Variants in KAZN observed in about 807,000 individuals in gnomAD.
The protein encoded by KAZN is kazrin, periplakin interacting protein, also known as kazrin.
KAZN carries 40 observed loss-of-function variants against 87.4 expected under a neutral mutation model. The observed-to-expected ratio is 0.46, with a 90% CI of 0.36 to 0.60. The LOEUF (loss-of-function observed/expected upper bound fraction) is 0.60, where lower values mean the gene tolerates loss of function less well. KAZN is among the 20% of genes least tolerant of loss of function. The pLI is 0.00. For missense variants in KAZN, 898 were observed against 1,073.9 expected, an observed-to-expected ratio of 0.84 and a Z score of 2.29; for synonymous variants, 466 against 458.3, an observed-to-expected ratio of 1.02 and a Z score of -0.22.
intron 1 of KAZN, among the ~76,000 whole-genome samples, chr1:14,895,886 A>G (rs1655210360): frequency 6.6e-6 from 1 of 152,170 alleles, no homozygotes; most frequent in South Asian, 2.1e-4. Flanking sequence ...AGTGAGGAAG[A>G]GGGGAGGCTG....
intron 2 of KAZN, among the ~76,000 whole-genome samples, chr1:14,548,065 A>C (rs997409605): frequency 3.3e-5 from 5 of 151,864 alleles, no homozygotes; most frequent in African/African-American, 1.2e-4. Flanking sequence ...TGCAAATTGC[A>C]AAAAAAGATT....
At chr1:14,360,378 G>C (rs1024685331) in intron 2 of KAZN, among the ~76,000 whole-genome samples, 8 of 151,982 alleles carry the variant, frequency 5.3e-5, no homozygotes, top group African/African-American at 1.7e-4. Flanking sequence ...CTTGCATTGG[G>C]TTAGAACATG....
At chr1:13,913,926 G>A (rs1161947320) in intron 1 of KAZN, among the ~76,000 whole-genome samples, 1 of 152,126 alleles carries the variant, frequency 6.6e-6, no homozygotes. Flanking sequence ...GGGATCCTTG[G>A]ACCAGCATCA....
chr1:14,767,712 C>T (rs566241417), intron 1 of KAZN, among the ~76,000 whole-genome samples: 1 of 152,326 alleles, frequency 6.6e-6, no homozygotes, highest in East Asian at 1.9e-4. Flanking sequence ...TATCCACAGA[C>T]CTTTCTTAGT....
intron 2 of KAZN, among the ~76,000 whole-genome samples, chr1:14,566,919 A>G (rs752240526): frequency 1.1e-4 from 17 of 152,200 alleles, no homozygotes; most frequent in Non-Finnish European, 2.2e-4. Context: ...AGACCACTCA[A>G]ACTTTATCCA....
intron 2 of KAZN, among the ~76,000 whole-genome samples, chr1:14,292,796 G>A (rs1013121499): frequency 3.3e-5 from 5 of 152,142 alleles, no homozygotes; most frequent in African/African-American, 4.8e-5. Flanking sequence ...GCTGGAGAGC[G>A]GCTTCCTTCT....
intron 5 of KAZN, among the ~76,000 whole-genome samples, chr1:15,057,383 G>A (rs561339049): frequency 1.3e-5 from 2 of 152,370 alleles, no homozygotes; most frequent in South Asian, 2.1e-4. Context: ...GATGAAATGT[G>A]TAAAACTGCG....
intron 2 of KAZN, among the ~76,000 whole-genome samples, chr1:14,349,588 T>C (rs1383608233): frequency 6.6e-6 from 1 of 152,184 alleles, no homozygotes; most frequent in Non-Finnish European, 1.5e-5. Context: ...TTGCCATTTA[T>C]CATCTTGCAC....
At chr1:14,661,034 T>C (rs895369071) in intron 1 of KAZN, among the ~76,000 whole-genome samples, 1 of 152,134 alleles carries the variant, frequency 6.6e-6, no homozygotes, top group Non-Finnish European at 1.5e-5. Flanking sequence ...AGGAAGTAAG[T>C]GTTCGTTGAG....
At chr1:14,697,159 A>AAAAAG (rs1557897126) in intron 1 of KAZN, among the ~76,000 whole-genome samples, 8 of 135,062 alleles carry the variant, frequency 5.9e-5, no homozygotes, top group African/African-American at 9.1e-5. Flanking sequence ...AAAAAAAAAG[A>AAAAAG]AAAGAAAAGA....
chr1:14,954,930 C>T (rs1474399713), intron 1 of KAZN, among the ~76,000 whole-genome samples: 3 of 152,112 alleles, frequency 2.0e-5, no homozygotes, highest in Non-Finnish European at 2.9e-5. Context: ...CCAGCCTGGG[C>T]GACAGCACGA....
rs189037092 is a variant in KAZN at position 15,099,090 on chromosome 1, T to A, written c.1548-2453T>A. On this transcript the variant is annotated intron_variant, in intron 10 of 14. Transcript: ENST00000376030. The surrounding 1 kb of genome is among the most constrained non-coding windows in gnomAD (Gnocchi z 5.4). ...CGGGAGACCAGACGTCTCTGCAGAG[T>A]CCATAGGAGTTCACTGGGGGAAGAG... 7.3e-5 allele frequency among the ~76,000 whole-genome samples: 11 copies of A among 151,678 alleles called. No individual in the cohort carries two copies. The highest frequency in any genetic ancestry group is 1.2e-4 in the African/African-American group (5 of 41,336).
chr1:14,933,310 C>G (rs1660062709), intron 1 of KAZN, among the ~76,000 whole-genome samples: 1 of 152,132 alleles, frequency 6.6e-6, no homozygotes, highest in Non-Finnish European at 1.5e-5. Flanking sequence ...CCAGGCTGCT[C>G]TCGAACTCCT....
At chr1:14,004,309 T>G (rs1174612026) in intron 1 of KAZN, among the ~76,000 whole-genome samples, 1 of 152,216 alleles carries the variant, frequency 6.6e-6, no homozygotes, top group Non-Finnish European at 1.5e-5. Flanking sequence ...GGAAAAGTGT[T>G]TGGCAGTATC....
chr1:14,117,690 G>C (rs1189395396), intron 1 of KAZN, among the ~76,000 whole-genome samples: 1 of 152,148 alleles, frequency 6.6e-6, no homozygotes, highest in African/African-American at 2.4e-5. Flanking sequence ...CTGCCAGTTA[G>C]AGATGAGATG....
At chr1:14,767,092 C>A (rs996109302) in intron 1 of KAZN, among the ~76,000 whole-genome samples, 1 of 152,094 alleles carries the variant, frequency 6.6e-6, no homozygotes, top group South Asian at 2.1e-4. Flanking sequence ...CGAATGGGTA[C>A]GCTTTCTGTG....
intron 1 of KAZN, among the ~76,000 whole-genome samples, chr1:14,132,354 C>T (rs957072929): frequency 3.9e-5 from 6 of 152,064 alleles, no homozygotes; most frequent in Admixed American, 2.0e-4. Flanking sequence ...GGTGCTTGAG[C>T]GTGATACTAC....
At chr1:14,254,844 T>C (rs1650360742) in intron 2 of KAZN, among the ~76,000 whole-genome samples, 2 of 152,104 alleles carry the variant, frequency 1.3e-5, no homozygotes, top group African/African-American at 4.8e-5. Context: ...GAAGCCAGGC[T>C]GGACACGGTG....
chr1:14,733,132 G>A (rs530872172), intron 1 of KAZN, among the ~76,000 whole-genome samples: 2 of 152,190 alleles, frequency 1.3e-5, no homozygotes, highest in Admixed American at 6.5e-5. Flanking sequence ...GCTGCAAAGC[G>A]GATCAGCTCT....
Sources: allele counts gnomAD v4.1 joint callset (sites outside exome capture counted in the v4.1 genomes callset), GRCh38; gene constraint gnomAD v4.1.1; non-coding constraint Gnocchi (gnomAD v3.1); transcripts MANE v1.5; gene names NCBI Gene and HGNC (gene_info 2026-07-23, HGNC 2026-07-21).